The following ABCB11 variants were observed in gnomAD, a reference collection of about 807,000 sequenced individuals.
ABCB11 encodes the protein ATP binding cassette subfamily B member 11.
A neutral mutation model predicts 148.0 loss-of-function variants in ABCB11; 95 were observed. The ratio of observed to expected loss-of-function variants is 0.64; its 90% CI spans 0.54 to 0.76. The LOEUF is 0.76. ABCB11 is among the 30% of genes least tolerant of loss of function. The probability of loss-of-function intolerance (pLI) is 0.00; values close to 1 mark genes in which losing one functional copy is unlikely to be tolerated. For synonymous variants in ABCB11, 591 were observed against 555.4 expected (o/e 1.06, Z -0.90); for missense variants, 1,523 against 1,617.8 (o/e 0.94, Z 1.01).
intron 19 of ABCB11, among the ~76,000 whole-genome samples, chr2:168,950,717 T>C (rs547793205): frequency 1.7e-3 from 257 of 151,848 alleles, no homozygotes; most frequent in Non-Finnish European, 3.3e-3. Context: ...TTTTCTCCAA[T>C]TGTGTAAGTT....
intron 5 of ABCB11, among the ~76,000 whole-genome samples, chr2:169,002,405 G>T (rs1235541639): frequency 3.3e-5 from 5 of 152,100 alleles, no homozygotes; most frequent in South Asian, 2.1e-4. Context: ...TCCTCAAAAA[G>T]TTAGAAATAG....
At chr2:168,984,759 T>C (rs73018772) in intron 10 of ABCB11, among the ~76,000 whole-genome samples, 4,611 of 152,226 alleles carry the variant, frequency 0.03, 107 homozygotes, top group African/African-American at 0.063. Flanking sequence ...TTGCTGGTCT[T>C]ATCAATTCAA....
intron 26 of ABCB11, 35 bp from the exon 27 acceptor site, chr2:168,924,838 A>G (rs1175244218): frequency 1.3e-6 from 2 of 1,594,166 alleles, no homozygotes; most frequent in Admixed American, 1.7e-5. Context: ...AGAAATAGAA[A>G]CAGTTATTGC....
chr2:169,017,251 A>G (rs1695391168), intron 2 of ABCB11, among the ~76,000 whole-genome samples: 2 of 152,182 alleles, frequency 1.3e-5, no homozygotes, highest in Middle Eastern at 3.4e-3. Context: ...ACAAGATGTC[A>G]TTAACACTTC....
At chr2:169,023,553 T>C (rs116239789) in intron 1 of ABCB11, among the ~76,000 whole-genome samples, 11 of 152,320 alleles carry the variant, frequency 7.2e-5, no homozygotes, top group Non-Finnish European at 1.5e-4. Context: ...ATCTATAGAA[T>C]AGACACACAG....
chr2:168,961,468 G>A (rs1308299487), intron 18 of ABCB11, among the ~76,000 whole-genome samples: 3 of 151,658 alleles, frequency 2.0e-5, no homozygotes, highest in Non-Finnish European at 4.4e-5. Flanking sequence ...CTTAACCAAT[G>A]CCTAAATCCT....
intron 18 of ABCB11, 22 bp downstream of exon 18, chr2:168,964,184 C>A: frequency 1.3e-6 from 2 of 1,520,498 alleles, no homozygotes; most frequent in Non-Finnish European, 1.8e-6. Flanking sequence ...CCATTCCCCC[C>A]CATAAGCAGT....
At chr2:169,005,352 C>T (rs192133409) in intron 5 of ABCB11, among the ~76,000 whole-genome samples, 54 of 152,128 alleles carry the variant, frequency 3.5e-4, no homozygotes, top group African/African-American at 1.3e-3. Context: ...CTCAGCCTCT[C>T]CTTGGGCGGG....
intron 18 of ABCB11, among the ~76,000 whole-genome samples, chr2:168,963,985 A>G (rs1342289932): frequency 6.6e-6 from 1 of 151,852 alleles, no homozygotes; most frequent in Admixed American, 6.6e-5. Flanking sequence ...TCCAGTTTTC[A>G]TTACCTTGTA....
intron 18 of ABCB11, among the ~76,000 whole-genome samples, chr2:168,961,790 T>C (rs1165872332): frequency 6.6e-6 from 1 of 151,720 alleles, no homozygotes; most frequent in Admixed American, 6.6e-5. Context: ...GAAATGGTTC[T>C]AAGTTTTAGA....
Position 168,930,729 on chromosome 2 carries a change from C to A in ABCB11, c.3347G>T (p.Gly1116Val). Residue 1116 changes from glycine to valine, a missense_variant, in exon 25 of 28, where the codon GGA (glycine) becomes GTA (valine). Transcript: ENST00000650372. ...GQTLAFVGSS[G>V]CGKSTSIQLL... ...CTGAATGCTAGTGCTTTTGCCACAT[C>A]CACTGCTCCCAACAAACGCCAGTGT... 1 of 1,607,192 alleles carries A rather than the reference C, an allele frequency of 6.2e-7. No individual in the cohort carries two copies. Among genetic ancestry groups the A allele is most frequent in the Non-Finnish European group, 8.5e-7 (1 of 1,175,226 alleles).
chr2:168,990,797 C>A lies in ABCB11; in HGVS notation c.908+4G>T. 1 of 1,612,612 alleles carries A rather than the reference C, an allele frequency of 6.2e-7. No homozygotes were observed. The highest frequency in any genetic ancestry group is 2.2e-5 in the East Asian group (1 of 44,840). The stretch of plus-strand genomic sequence containing the variant: ...AGGAAAGAATCAGATTCCAATTAAC[C>A]AACCTTTCAACCTCTCTTTTCTCAC... On this transcript the variant is annotated splice_donor_region_variant and intron_variant, in intron 9 of 27. Coordinates refer to ENST00000650372, the MANE Select transcript of ABCB11 (RefSeq NM_003742.4).
chr2:169,018,686 CAG>C (rs1244081379), intron 1 of ABCB11, among the ~76,000 whole-genome samples: 1 of 152,076 alleles, frequency 6.6e-6, no homozygotes, highest in African/African-American at 2.4e-5. Context: ...TAAATGTCGA[CAG>C]AGTCATGATT....
At chr2:168,931,933 GGC>G (rs1370245000) in intron 24 of ABCB11, among the ~76,000 whole-genome samples, 6 of 152,084 alleles carry the variant, frequency 3.9e-5, no homozygotes, top group Non-Finnish European at 7.4e-5. Context: ...GGTATTGTAT[GGC>G]CATCCCTAAT....
chr2:169,025,300 T>C lies in ABCB11; in HGVS notation c.-28+5925A>G, dbSNP rs150532781. Among the ~76,000 whole-genome samples, 350 of 152,324 alleles carry C rather than the reference T, an allele frequency of 2.3e-3. 3 individuals are homozygous for C. Among genetic ancestry groups the C allele is most frequent in the African/African-American group, 7.8e-3 (325 of 41,574 alleles). On this transcript the variant is annotated intron_variant, in intron 1 of 27. Transcript: ENST00000650372. The stretch of plus-strand genomic sequence containing the variant: ...ACACCTGTTGCTTCACTCTACGTAG[T>C]TGGATTTATTTTAAAATCTCTCTCC...
chr2:169,005,023 TG>T (rs1348130147), intron 5 of ABCB11, among the ~76,000 whole-genome samples: 1 of 152,072 alleles, frequency 6.6e-6, no homozygotes, highest in Non-Finnish European at 1.5e-5. Context: ...CTTGCAGCTG[TG>T]GATAACAGCA....
At chr2:168,924,832 A>G (rs560759148) in intron 26 of ABCB11, 29 bp from the exon 27 acceptor site, 3 of 1,603,546 alleles carry the variant, frequency 1.9e-6, no homozygotes, top group East Asian at 2.2e-5. Context: ...AGTTTGAGAA[A>G]TAGAAACAGT....
chr2:168,957,837 A>C, intron 19 of ABCB11, 127 bp downstream of exon 19: 1 of 989,210 alleles, frequency 1.0e-6, no homozygotes, highest in South Asian at 3.6e-5. Context: ...GAAATTTTTC[A>C]TTCTTTAGAG....
chr2:168,924,796 T>A lies in ABCB11; in HGVS notation c.3626A>T (p.Glu1209Val), dbSNP rs1320854630. 6.2e-7 allele frequency: 1 copy of A among 1,611,492 alleles called. No individual in the cohort carries two copies. Among genetic ancestry groups the A allele is most frequent in the Non-Finnish European group, 8.5e-7 (1 of 1,178,914 alleles). Reference sequence around the variant, plus strand: ...AGACCCCTGGGACCCAACGTTAGTTTCATATTTCTGAAAAAAAGTATGATA... The same window carrying A: ...AGACCCCTGGGACCCAACGTTAGTTACATATTTCTGAAAAAAAGTATGATA... ...DFVMSLPEKY[E>V]TNVGSQGSQL... The change falls in exon 27 of 28, where the codon GAA becomes GTA. Residue 1209 changes from glutamate (E) to valine (V), a missense_variant. By Grantham distance (121) the Glu-to-Val change is moderately radical (BLOSUM62 -2). Coordinates refer to ENST00000650372, the MANE Select transcript of ABCB11 (RefSeq NM_003742.4).
Sources: allele counts gnomAD v4.1 joint callset (sites outside exome capture counted in the v4.1 genomes callset), GRCh38; gene constraint gnomAD v4.1.1; transcripts MANE v1.5; gene names NCBI Gene and HGNC (gene_info 2026-07-23, HGNC 2026-07-21).